CIP2A: variants seen among roughly 807,000 people sequenced by gnomAD.
CIP2A encodes cellular inhibitor of PP2A, also known as protein CIP2A.
A neutral mutation model predicts 110.9 loss-of-function variants in CIP2A; 103 were observed. The ratio of observed to expected loss-of-function variants is 0.93; its 90% CI spans 0.79 to 1.09. The LOEUF (loss-of-function observed/expected upper bound fraction) is 1.09, where lower values mean the gene tolerates loss of function less well. Ranked by LOEUF, CIP2A falls within the 50% of genes least tolerant of loss-of-function variation. The pLI is 0.00. For synonymous variants in CIP2A, 381 were observed against 361.6 expected (o/e 1.05, Z -0.61); for missense variants, 1,088 against 1,038.4 (o/e 1.05, Z -0.66).
chr3:108,565,542 A>G (rs1938151885), intron 11 of CIP2A, 88 bp from the exon 12 acceptor site: 1 of 663,920 alleles, frequency 1.5e-6, no homozygotes, highest in African/African-American at 1.9e-5. Flanking sequence ...AATGAAAAAA[A>G]CCAACACTTG....
intron 19 of CIP2A, among the ~76,000 whole-genome samples, chr3:108,553,075 T>TA (rs1239125961): frequency 4.9e-5 from 7 of 142,634 alleles, no homozygotes; most frequent in South Asian, 4.6e-4. Context: ...GTTGAAATAA[T>TA]AAAAAAATTA....
rs148277620 is a variant in CIP2A, at chr3:108,582,156, T to G, written c.404A>C (p.Tyr135Ser). The stretch of plus-strand genomic sequence containing the variant: ...TAATTCATCTATATTGGCACCAGAA[T>G]AGAAAATTTTGACATTATATGTTAA... ...QKLTYNVKIF[Y>S]SGANIDELIT... is the part of the protein sequence containing the mutation. Residue 135 changes from tyrosine to serine, a missense_variant, in exon 4 of 21, where the codon TAT becomes TCT. Physicochemically the swap from Tyr to Ser is moderately radical, Grantham distance 144 (BLOSUM62 -2). Transcript: ENST00000295746. 9 of 1,506,242 alleles carry G rather than the reference T, an allele frequency of 6.0e-6. No individual in the cohort carries two copies. Among genetic ancestry groups the G allele is most frequent in the Admixed American group, 3.5e-5 (2 of 56,790 alleles). 93.3% of individuals were successfully genotyped at this position (1,506,242 alleles called of 1,614,324 possible).
intron 19 of CIP2A, among the ~76,000 whole-genome samples, 172 bp from the exon 20 acceptor site, chr3:108,552,545 C>T (rs1346239467): frequency 6.6e-6 from 1 of 152,078 alleles, no homozygotes; most frequent in Non-Finnish European, 1.5e-5. Flanking sequence ...TTTCTTCCAT[C>T]CTCTGTTCTA....
In CIP2A at chr3:108,565,430, C is replaced by A. The variant is rs760923676; in HGVS notation, c.1440G>T (p.Leu480Phe). 1 of 1,591,830 alleles carries A rather than the reference C, an allele frequency of 6.3e-7. No individual in the cohort carries two copies. The highest frequency in any genetic ancestry group is 1.2e-5 in the South Asian group (1 of 86,848). ...ELCKLAADVI[L>F]KTLDLINKLK... ...GTTTGTTAATCAAATCAAGAGTTTT[C>A]AAAATTACATCAGCAGCAAGTTTGC... is the stretch of plus-strand genomic sequence containing the variant. Residue 480 changes from leucine to phenylalanine, a missense_variant, in exon 12 of 21, where the codon TTG (leucine) becomes TTT (phenylalanine). Transcript: ENST00000295746.
In CIP2A at chr3:108,552,295, A is replaced by G. The variant is rs200502101; in HGVS notation, c.2486T>C (p.Ile829Thr). 6.4e-5 allele frequency: 101 copies of G among 1,567,024 alleles called. 1 individual carries two copies. In the Admixed American group the frequency reaches 7.0e-4, roughly 11 times the overall value. The change falls in exon 20 of 21, where the codon ATT becomes ACT. Residue 829 changes from isoleucine (I) to threonine (T), a missense_variant. Transcript: ENST00000295746. ...GCTTAATTCTTTTCTAAGGATATCA[A>G]TGGTTTCTTCCTTATCTTCCCTTTC... ...QKEREDKEETIDILRKELSRT... is the reference protein window; with the variant it reads ...QKEREDKEETTDILRKELSRT...
Position 108,568,242 on chromosome 3 carries a change from G to A in CIP2A, c.1186C>T (p.Gln396Ter), listed in dbSNP as rs776409169. 6.2e-7 allele frequency: 1 copy of A among 1,612,134 alleles called. No homozygotes were observed. The change falls in exon 10 of 21, where the codon CAA becomes TAA. Residue 396 changes from glutamine (Q) to a stop codon, truncating the protein, a stop_gained. Transcript: ENST00000295746. LOFTEE classifies it high-confidence loss of function. Reference sequence around the variant, plus strand: ...AGATTTTGTTCTGTGAACTGAAGTTGATCAAGGATTGTAGGCAGCAGAAGG... The same window carrying A: ...AGATTTTGTTCTGTGAACTGAAGTTAATCAAGGATTGTAGGCAGCAGAAGG... ...VTLLLPTILD[Q>*]LQFTEQNLDE...
chr3:108,551,041 C>A lies in CIP2A; in HGVS notation c.*108G>T, dbSNP rs1310472566. 4.0e-6 allele frequency: 2 copies of A among 496,946 alleles called. No individual in the cohort carries two copies. Among genetic ancestry groups the A allele is most frequent in the East Asian group, 8.6e-5 (2 of 23,178 alleles). The allele number at this position is 496,946 out of a possible 1,614,324, so 30.8% of individuals were successfully genotyped here. A position where few individuals can be genotyped will look rare whatever the true frequency, so the allele number is the denominator to read the frequency against. ...GGGTCTTTACTAAATTAGATAATAA[C>A]TTCTTATTGTTACGAAGTCACAAAT... On this transcript the variant is annotated 3_prime_UTR_variant, in exon 21 of 21. Coordinates refer to ENST00000295746, the MANE Select transcript of CIP2A (RefSeq NM_020890.3).
At chr3:108,569,179 T>TATATATATATATATATATATATATATAC (rs1271625941) in intron 9 of CIP2A, among the ~76,000 whole-genome samples, 4 of 72,066 alleles carry the variant, frequency 5.6e-5, no homozygotes, top group African/African-American at 1.7e-4. Flanking sequence ...TATATATATA[T>TATATATATATATATATATATATATATAC]ATACATACAC....
At position 108,565,141 on chromosome 3, in the gene CIP2A, T is replaced by C. The variant is rs148804187; in HGVS notation, c.1515+214A>G. 3.3e-3 allele frequency among the ~76,000 whole-genome samples: 503 copies of C among 151,998 alleles called. 2 individuals are homozygous for C. The highest frequency in any genetic ancestry group is 2.0e-3 in the Non-Finnish European group (137 of 67,818). ...CTATTGTGAACATTCTCTACATTAG[T>C]GTCATGAGCACTTATGTTCAATTCC... On this transcript the variant is annotated intron_variant, in intron 12 of 20. Coordinates refer to ENST00000295746, the MANE Select transcript of CIP2A (RefSeq NM_020890.3).
chr3:108,577,824 A>G (rs1938713640), intron 7 of CIP2A, among the ~76,000 whole-genome samples: 1 of 152,102 alleles, frequency 6.6e-6, no homozygotes, highest in South Asian at 2.1e-4. Context: ...ACTTGAACCC[A>G]GGAGGCGGAG....
intron 14 of CIP2A, 31 bp downstream of exon 14, chr3:108,560,618 A>G (rs756630569): frequency 1.4e-6 from 2 of 1,391,130 alleles, no homozygotes; most frequent in East Asian, 2.3e-5. Context: ...GCTAATATGT[A>G]CCAGGTTATA....
chr3:108,582,388 C>T (rs9827328), intron 3 of CIP2A, among the ~76,000 whole-genome samples, 186 bp from the exon 4 acceptor site: 2,917 of 152,242 alleles, frequency 0.019, 103 homozygotes, highest in African/African-American at 0.067. Context: ...TCTACGTATT[C>T]TGTCTCAGAG....
At position 108,566,505 on chromosome 3, in the gene CIP2A, A is replaced by C. The variant is rs767278128; in HGVS notation, c.1407T>G (p.Ser469=). ...DLGFGTKVAD[S]ELCKLAADVI... is the part of the protein sequence containing the mutation. ...AGAGTTTATATACTCACCATAATTCAGAATCTGCAACCTTTGTTCCAAATC... is the reference window on the plus strand; with the variant it reads ...AGAGTTTATATACTCACCATAATTCCGAATCTGCAACCTTTGTTCCAAATC... The change falls in exon 11 of 21, where the codon TCT becomes TCG. Residue 469 remains serine (S), a synonymous_variant. Coordinates refer to ENST00000295746, the MANE Select transcript of CIP2A (RefSeq NM_020890.3). 8.1e-6 allele frequency: 13 copies of C among 1,606,826 alleles called. No homozygotes were observed. The East Asian group carries it at 2.7e-4, about 33-fold the overall frequency.
At chr3:108,565,611 C>G (rs1433602883) in intron 11 of CIP2A, among the ~76,000 whole-genome samples, 157 bp from the exon 12 acceptor site, 2 of 151,720 alleles carry the variant, frequency 1.3e-5, no homozygotes, top group Admixed American at 1.3e-4. Flanking sequence ...AAATCTCAAT[C>G]AACATTCTTA....
chr3:108,559,885 A>G lies in CIP2A; in HGVS notation c.1903-18T>C. ...TCTTTGGACTACAAGAAAACATATCATTAATTTTCATTTTAGGAATACATC... is the reference window on the plus strand; with the variant it reads ...TCTTTGGACTACAAGAAAACATATCGTTAATTTTCATTTTAGGAATACATC... On this transcript the variant is annotated intron_variant, in intron 15 of 20. Transcript: ENST00000295746. 1.3e-6 allele frequency: 2 copies of G among 1,593,896 alleles called. No homozygotes were observed. Among genetic ancestry groups the G allele is most frequent in the Non-Finnish European group, 1.7e-6 (2 of 1,164,786 alleles).
intron 2 of CIP2A, among the ~76,000 whole-genome samples, chr3:108,584,697 G>C (rs1364197795): frequency 6.6e-6 from 1 of 152,046 alleles, no homozygotes; most frequent in Admixed American, 6.6e-5. Flanking sequence ...TGGATCACTA[G>C]AATTTTTTAA....
intron 8 of CIP2A, among the ~76,000 whole-genome samples, chr3:108,570,100 G>A (rs1302842382): frequency 1.3e-5 from 2 of 151,644 alleles, no homozygotes; most frequent in African/African-American, 4.8e-5. Flanking sequence ...CTCTCCTACT[G>A]TACCCCATTT....
intron 2 of CIP2A, among the ~76,000 whole-genome samples, chr3:108,584,177 T>TA (rs1576320441): frequency 6.6e-6 from 1 of 152,148 alleles, no homozygotes; most frequent in African/African-American, 2.4e-5. Flanking sequence ...AGCAAAAACT[T>TA]AAAGACAGTT....
At chr3:108,577,882 G>C (rs1293066518) in intron 7 of CIP2A, among the ~76,000 whole-genome samples, 1 of 152,138 alleles carries the variant, frequency 6.6e-6, no homozygotes, top group East Asian at 1.9e-4. Context: ...CTGGGCAATA[G>C]AGCGAGACTC....
Sources: allele counts gnomAD v4.1 joint callset (sites outside exome capture counted in the v4.1 genomes callset), GRCh38; gene constraint gnomAD v4.1.1; transcripts MANE v1.5; gene names NCBI Gene and HGNC (gene_info 2026-07-23, HGNC 2026-07-21).